Variants in KCNC2 observed in about 807,000 individuals in gnomAD.
KCNC2 encodes the protein potassium voltage-gated channel subfamily C member 2.
In KCNC2, 21 loss-of-function variants were observed where a neutral mutation model predicts 44.5. That is an observed-to-expected ratio of 0.47 (90% CI 0.33 to 0.68). The LOEUF is 0.68. Among genes scored for constraint, KCNC2 ranks in the 30% least tolerant of loss-of-function variants. The probability of loss-of-function intolerance (pLI) is 0.01; values close to 1 mark genes in which losing one functional copy is unlikely to be tolerated. For missense variants in KCNC2, 589 were observed against 826.2 expected, an observed-to-expected ratio of 0.71 and a Z score of 3.52; for synonymous variants, 391 against 339.1, an observed-to-expected ratio of 1.15 and a Z score of -1.68.
chr12:75,102,534 T>C (rs995005847), intron 2 of KCNC2, among the ~76,000 whole-genome samples: 4 of 152,090 alleles, frequency 2.6e-5, no homozygotes, highest in African/African-American at 9.7e-5. Flanking sequence ...TGCATATTTA[T>C]TTAGGGTATG....
intron 2 of KCNC2, among the ~76,000 whole-genome samples, chr12:75,057,889 T>G (rs947665180): frequency 2.0e-5 from 3 of 151,912 alleles, no homozygotes; most frequent in Admixed American, 1.3e-4. Context: ...CCTTATCCAA[T>G]GTACATATAC....
At chr12:75,074,231 G>A (rs1284057250) in intron 2 of KCNC2, among the ~76,000 whole-genome samples, 1 of 114,586 alleles carries the variant, frequency 8.7e-6, no homozygotes, top group Non-Finnish European at 1.8e-5. Flanking sequence ...ACTACTCATA[G>A]ATTTTTTTTT....
intron 2 of KCNC2, among the ~76,000 whole-genome samples, chr12:75,172,940 T>G (rs73187114): frequency 1.3e-5 from 2 of 151,972 alleles, no homozygotes; most frequent in Non-Finnish European, 2.9e-5. Flanking sequence ...GAGAGCCAGA[T>G]AGAATTCTGA....
chr12:75,206,757 A>C (rs2446317), intron 2 of KCNC2, among the ~76,000 whole-genome samples: 99,632 of 152,050 alleles, frequency 0.66, 34,901 homozygotes, highest in African/African-American at 0.91. Flanking sequence ...ATAAACCTCC[A>C]GGCAAACCTT....
At chr12:75,087,367 C>A (rs2137113246) in intron 2 of KCNC2, among the ~76,000 whole-genome samples, 1 of 152,120 alleles carries the variant, frequency 6.6e-6, no homozygotes. Context: ...ATTCTAGAGG[C>A]TTTGATTTAT....
At chr12:75,205,941 G>A (rs2031655963) in intron 2 of KCNC2, among the ~76,000 whole-genome samples, 1 of 141,986 alleles carries the variant, frequency 7.0e-6, no homozygotes, top group African/African-American at 2.6e-5. Context: ...CTAATTCTAT[G>A]TTCAAATATG....
intron 2 of KCNC2, among the ~76,000 whole-genome samples, chr12:75,199,716 T>C (rs775217553): frequency 2.0e-5 from 3 of 151,922 alleles, no homozygotes; most frequent in Non-Finnish European, 4.4e-5. Flanking sequence ...AAACCCACCA[T>C]GACCTGGTTA....
chr12:75,095,433 T>C (rs765942688), intron 2 of KCNC2, among the ~76,000 whole-genome samples: 12 of 151,954 alleles, frequency 7.9e-5, no homozygotes, highest in Non-Finnish European at 1.5e-4. Context: ...GCAAATTATG[T>C]TGCCTTCCCT....
intron 2 of KCNC2, among the ~76,000 whole-genome samples, chr12:75,172,190 T>G (rs1170214999): frequency 2.0e-5 from 3 of 151,840 alleles, no homozygotes; most frequent in Non-Finnish European, 2.9e-5. Context: ...TTAATGGAGT[T>G]GGAAGCCATT....
At chr12:75,099,195 G>T (rs1886176143) in intron 2 of KCNC2, among the ~76,000 whole-genome samples, 1 of 152,180 alleles carries the variant, frequency 6.6e-6, no homozygotes, top group South Asian at 2.1e-4. Context: ...CGTCTAAAGG[G>T]CTGGCACAAA....
chr12:75,045,524 T>C (rs915837968), intron 4 of KCNC2, among the ~76,000 whole-genome samples: 3 of 151,910 alleles, frequency 2.0e-5, no homozygotes, highest in African/African-American at 7.2e-5. Flanking sequence ...GATTAGAAAA[T>C]TTGATAAAAT....
chr12:75,084,802 A>G (rs1441334870), intron 2 of KCNC2, among the ~76,000 whole-genome samples: 1 of 151,984 alleles, frequency 6.6e-6, no homozygotes, highest in South Asian at 2.1e-4. Flanking sequence ...CCATTTAAGA[A>G]ATAACTATTT....
chr12:75,090,727 T>C (rs577722433), intron 2 of KCNC2, among the ~76,000 whole-genome samples: 2 of 151,790 alleles, frequency 1.3e-5, no homozygotes, highest in South Asian at 2.1e-4. Flanking sequence ...CAGGAATAGT[T>C]TAGAAATTAT....
chr12:75,203,148 T>C lies in KCNC2; in HGVS notation c.687+4149A>G, dbSNP rs181373505. ...ACATTTTCTTCCTTTAATCTTAATA[T>C]ATGATTCAAATTGTTCCTATACCTT... is the stretch of plus-strand genomic sequence containing the variant. On this transcript the variant is annotated intron_variant, in intron 2 of 4. Coordinates refer to ENST00000549446, the MANE Select transcript of KCNC2 (RefSeq NM_139137.4). Among the ~76,000 whole-genome samples, 12 of 151,988 alleles carry C rather than the reference T, an allele frequency of 7.9e-5. No homozygotes were observed. The East Asian group carries it at 2.3e-3, about 29-fold the overall frequency.
chr12:75,143,623 A>G (rs1400954658), intron 2 of KCNC2, among the ~76,000 whole-genome samples: 2 of 152,128 alleles, frequency 1.3e-5, no homozygotes, highest in African/African-American at 4.8e-5. Context: ...CATCTAATCA[A>G]AAAGGTTCTA....
chr12:75,062,510 A>G (rs1402037857), intron 2 of KCNC2, among the ~76,000 whole-genome samples: 2 of 152,094 alleles, frequency 1.3e-5, no homozygotes, highest in Admixed American at 1.3e-4. Flanking sequence ...AAAGAGAAAT[A>G]TGCAAATAAG....
intron 2 of KCNC2, among the ~76,000 whole-genome samples, chr12:75,088,441 T>C (rs866345500): frequency 1.6e-4 from 25 of 152,100 alleles, no homozygotes; most frequent in African/African-American, 4.8e-4. Flanking sequence ...CTACAATTAA[T>C]TGACTACCTG....
intron 2 of KCNC2, among the ~76,000 whole-genome samples, chr12:75,077,683 G>A (rs1458608): frequency 0.89 from 135,843 of 152,176 alleles, 60,674 homozygotes; most frequent in Admixed American, 0.92. Context: ...AATCTTAGAA[G>A]AGAGACCTAA....
chr12:75,136,826 A>G (rs1889267142), intron 2 of KCNC2, among the ~76,000 whole-genome samples: 1 of 152,178 alleles, frequency 6.6e-6, no homozygotes, highest in Non-Finnish European at 1.5e-5. Flanking sequence ...AACTAATTTT[A>G]TGAAGCAGTA....
Sources: gnomAD v4.1 joint callset for allele counts (sites outside exome capture counted in the v4.1 genomes callset) on GRCh38, gnomAD v4.1.1 for gene constraint, MANE v1.5 for transcripts, NCBI Gene and HGNC (gene_info 2026-07-23, HGNC 2026-07-21) for gene names.